The following ACACB variants were observed in gnomAD, a reference collection of about 807,000 sequenced individuals.
ACACB encodes acetyl-CoA carboxylase beta, also known as acetyl-CoA carboxylase 2.
Under a neutral mutation model 278.8 loss-of-function variants are expected in ACACB, and 209 were observed. That is an observed-to-expected ratio of 0.75 (90% CI 0.67 to 0.84). ACACB has a LOEUF of 0.84. Among genes scored for constraint, ACACB ranks in the 40% least tolerant of loss-of-function variants. ACACB has a pLI of 0.00. For synonymous variants in ACACB, 1,174 were observed against 1,285.6 expected (o/e 0.91, Z 1.86); for missense variants, 2,850 against 3,269.0 (o/e 0.87, Z 3.13).
At position 109,258,983 on chromosome 12, in the gene ACACB, AG is replaced by A. The variant is rs749846175; in HGVS notation, c.6373del (p.Ala2125GlnfsTer27). On this transcript the variant is annotated frameshift_variant, in exon 47 of 53. Coordinates refer to ENST00000338432, the MANE Select transcript of ACACB (RefSeq NM_001093.4). LOFTEE classifies it high-confidence loss of function. ...NLDSEAKIIQQAGQVWFPDSA... is the reference protein window; with the variant it reads ...NLDSEAKIIQXAGQVWFPDSA... ...AGCTCTGTGTTCCAGATAATTCAGC[AG>A]GCAGGACAGGTGTGGTTCCCAGACT... 6.2e-7 allele frequency: 1 copy of A among 1,614,170 alleles called. No homozygotes were observed. Among genetic ancestry groups the A allele is most frequent in the South Asian group, 1.1e-5 (1 of 91,080 alleles).
intron 22 of ACACB, among the ~76,000 whole-genome samples, chr12:109,216,041 CT>C (rs1486865951): frequency 1.3e-5 from 2 of 151,994 alleles, no homozygotes; most frequent in Non-Finnish European, 2.9e-5. Flanking sequence ...TCAAATGATA[CT>C]CACGCCTCAG....
intron 28 of ACACB, among the ~76,000 whole-genome samples, chr12:109,229,068 G>A (rs899867731): frequency 1.3e-5 from 2 of 151,824 alleles, no homozygotes; most frequent in Admixed American, 6.6e-5. Flanking sequence ...TCAGCCTCCC[G>A]AGTAGCTGGG....
At chr12:109,256,650 A>C (rs1403432344) in intron 45 of ACACB, among the ~76,000 whole-genome samples, 1 of 152,196 alleles carries the variant, frequency 6.6e-6, no homozygotes. Flanking sequence ...CTCACCCTTC[A>C]GCCTTGTAGC....
chr12:109,123,716 C>G (rs1240092677), intron 1 of ACACB, among the ~76,000 whole-genome samples: 1 of 128,506 alleles, frequency 7.8e-6, no homozygotes, highest in East Asian at 2.5e-4. Flanking sequence ...GAGACAGGGT[C>G]TCACTCTGTC....
chr12:109,233,251 G>T (rs962930058), intron 29 of ACACB, among the ~76,000 whole-genome samples: 1 of 152,216 alleles, frequency 6.6e-6, no homozygotes, highest in Non-Finnish European at 1.5e-5. Flanking sequence ...TTAGTATGCA[G>T]ATAATATAGT....
rs67896522 is a variant in ACACB, at chr12:109,133,863, A to AT, written c.-9-5515dup. The stretch of plus-strand genomic sequence containing the variant: ...TATATATATATATATATATATATAT[A>AT]TTTTTTTTTTTTTTTTTTTCATTTT... On this transcript the variant is annotated intron_variant, in intron 1 of 52. Transcript: ENST00000338432. Among the ~76,000 whole-genome samples, 207 of 70,546 alleles carry AT rather than the reference A, an allele frequency of 2.9e-3. 4 individuals are homozygous for AT. Among genetic ancestry groups the AT allele is most frequent in the Non-Finnish European group, 4.0e-3 (161 of 40,102 alleles). The allele number at this position is 70,546 out of a possible 152,430, so 46.3% of individuals were successfully genotyped here.
At chr12:109,199,751 C>T (rs966242390) in intron 18 of ACACB, among the ~76,000 whole-genome samples, 199 bp downstream of exon 18, 3 of 152,152 alleles carry the variant, frequency 2.0e-5, no homozygotes, top group Non-Finnish European at 2.9e-5. Context: ...TGGTGGTTCA[C>T]GCCTGTAATC....
intron 33 of ACACB, 31 bp downstream of exon 33, chr12:109,235,678 C>T (rs1463944156): frequency 1.3e-6 from 2 of 1,587,502 alleles, no homozygotes; most frequent in Non-Finnish European, 8.6e-7. Context: ...GTTTTCTCTT[C>T]TCTAGCATCT....
intron 23 of ACACB, 45 bp downstream of exon 23, chr12:109,216,751 G>A (rs370878236): frequency 8.7e-6 from 14 of 1,614,020 alleles, no homozygotes; most frequent in Non-Finnish European, 8.5e-6. Flanking sequence ...TGGGGGGCGT[G>A]AGGAGCCTGA....
Position 109,264,404 on chromosome 12 carries a change from C to T in ACACB, c.6942+18C>T, listed in dbSNP as rs2047459634. Reference sequence around the variant, plus strand: ...TCATATCTGTGAGAGCCACAGCTGCCGTGTAGGGTGCAAAGAGCCCACCCT... The same window carrying T: ...TCATATCTGTGAGAGCCACAGCTGCTGTGTAGGGTGCAAAGAGCCCACCCT... On this transcript the variant is annotated intron_variant, in intron 50 of 52. Transcript: ENST00000338432. The T allele has an allele frequency of 1.9e-6, 3 of 1,570,808 alleles. No homozygotes were observed. Among genetic ancestry groups the T allele is most frequent in the Non-Finnish European group, 1.7e-6 (2 of 1,153,630 alleles).
At chr12:109,198,984 G>A (rs1056830933) in intron 17 of ACACB, among the ~76,000 whole-genome samples, 5 of 151,478 alleles carry the variant, frequency 3.3e-5, no homozygotes, top group East Asian at 2.0e-4. Flanking sequence ...TCAGGAGATC[G>A]AGACCATCCT....
At chr12:109,209,471 T>TA in intron 21 of ACACB, 118 bp downstream of exon 21, 1 of 1,049,598 alleles carries the variant, frequency 9.5e-7, no homozygotes, top group Non-Finnish European at 1.4e-6. Flanking sequence ...ACTTATAGCC[T>TA]AACATATCAG....
chr12:109,178,594 G>A (rs138723473), intron 9 of ACACB, among the ~76,000 whole-genome samples: 3,019 of 152,322 alleles, frequency 0.02, 45 homozygotes, highest in Middle Eastern at 0.037. Flanking sequence ...TATGTTGCAG[G>A]TAGTGACTAT....
chr12:109,152,694 C>G (rs2043411451), intron 2 of ACACB, among the ~76,000 whole-genome samples: 1 of 132,004 alleles, frequency 7.6e-6, no homozygotes, highest in Non-Finnish European at 1.6e-5. Flanking sequence ...ATTCCCCAGG[C>G]TGGAGTGTAG....
chr12:109,154,449 T>G (rs2043461853), intron 2 of ACACB, among the ~76,000 whole-genome samples: 1 of 152,226 alleles, frequency 6.6e-6, no homozygotes, highest in Non-Finnish European at 1.5e-5. Flanking sequence ...TTGCTGCCAA[T>G]ATGTAGGGGT....
chr12:109,185,918 G>GATTTTTATTTTTATTT lies in ACACB; in HGVS notation c.1980+191_1980+206dup, dbSNP rs2044644147. The stretch of plus-strand genomic sequence containing the variant: ...GTTTATTTGATTATTGGATTTATTG[G>GATTTTTATTTTTATTT]ATTTTTATTTTTATTTATTTTTATT... On this transcript the variant is annotated intron_variant, in intron 12 of 52. Transcript: ENST00000338432. Among the ~76,000 whole-genome samples the GATTTTTATTTTTATTT allele has an allele frequency of 4.0e-5, 6 of 151,872 alleles. No homozygotes were observed. In the South Asian group the frequency reaches 1.3e-3, roughly 32 times the overall value.
At chr12:109,171,140 C>T (rs1333419564) in intron 4 of ACACB, among the ~76,000 whole-genome samples, 2 of 151,384 alleles carry the variant, frequency 1.3e-5, no homozygotes, top group Non-Finnish European at 2.9e-5. Context: ...AGGCGTGCAC[C>T]ACCGTGCCCA....
chr12:109,220,424 C>T (rs2046125922), intron 24 of ACACB, among the ~76,000 whole-genome samples: 1 of 152,200 alleles, frequency 6.6e-6, no homozygotes, highest in South Asian at 2.1e-4. Context: ...CACCAGTTCA[C>T]TGGTCATGGG....
rs540789978 is a variant in ACACB, at chr12:109,235,506, A to G, written c.4405-100A>G. 59 of 1,419,270 alleles carry G rather than the reference A, an allele frequency of 4.2e-5. No homozygotes were observed. The South Asian group carries it at 6.3e-4, about 15-fold the overall frequency. The allele number at this position is 1,419,270 out of a possible 1,614,324, so 87.9% of individuals were successfully genotyped here. Reference sequence around the variant, plus strand: ...GAAGGATTTCCAAATGATTCATTCTAGAAGTGAATGTAATCGTTTACAATC... The same window carrying G: ...GAAGGATTTCCAAATGATTCATTCTGGAAGTGAATGTAATCGTTTACAATC... On this transcript the variant is annotated intron_variant, in intron 32 of 52. Coordinates refer to ENST00000338432, the MANE Select transcript of ACACB (RefSeq NM_001093.4).
Sources: gnomAD v4.1 joint callset for allele counts (sites outside exome capture counted in the v4.1 genomes callset) on GRCh38, gnomAD v4.1.1 for gene constraint, MANE v1.5 for transcripts, NCBI Gene and HGNC (gene_info 2026-07-23, HGNC 2026-07-21) for gene names.